Variants in ASXL3 observed in about 807,000 individuals in gnomAD.
ASXL3 encodes the protein putative Polycomb group protein ASXL3.
Under a neutral mutation model 170.6 loss-of-function variants are expected in ASXL3, and 34 were observed. The ratio of observed to expected loss-of-function variants is 0.20; its 90% CI spans 0.15 to 0.27. The LOEUF is 0.27. Among genes scored for constraint, ASXL3 ranks in the 10% least tolerant of loss-of-function variants. The pLI is 1.00. For missense variants in ASXL3, 2,592 were observed against 2,695.3 expected (o/e 0.96, Z 0.85); for synonymous variants, 1,002 against 989.1 (o/e 1.01, Z -0.24).
intron 1 of ASXL3, among the ~76,000 whole-genome samples, chr18:33,583,702 G>A (rs139075699): frequency 8.0e-4 from 121 of 152,126 alleles, no homozygotes; most frequent in Admixed American, 3.9e-3. Flanking sequence ...TGATTTCTTA[G>A]ATGCCAGAAA....
At position 33,578,254 on chromosome 18, in the gene ASXL3, TC is replaced by T. The variant is rs1455006169; in HGVS notation, c.-374del. ...GTTGTGAGCGGGGCCGAGCGGAGCATCCCCGGAGCTGTCACCGCAGCGGCCG... is the reference window on the plus strand; with the variant it reads ...GTTGTGAGCGGGGCCGAGCGGAGCATCCCGGAGCTGTCACCGCAGCGGCCG... On this transcript the variant is annotated 5_prime_UTR_variant, in exon 1 of 12. Coordinates refer to ENST00000269197, the MANE Select transcript of ASXL3 (RefSeq NM_030632.3). The T allele has an allele frequency of 1.3e-5, 2 of 149,764 alleles. No homozygotes were observed. The highest frequency in any genetic ancestry group is 1.5e-5 in the Non-Finnish European group (1 of 67,400). The allele number at this position is 149,764 out of a possible 1,614,324, so 9.3% of individuals were successfully genotyped here.
intron 1 of ASXL3, among the ~76,000 whole-genome samples, chr18:33,601,785 G>GTT (rs376654969): frequency 3.0e-4 from 31 of 103,918 alleles, no homozygotes; most frequent in African/African-American, 7.3e-4. Context: ...ATATCTGATT[G>GTT]TATATATATA....
chr18:33,750,787 T>C lies in ASXL3; in HGVS notation c.*4192T>C, dbSNP rs771850995. On this transcript the variant is annotated 3_prime_UTR_variant, in exon 12 of 12. Coordinates refer to ENST00000269197, the MANE Select transcript of ASXL3 (RefSeq NM_030632.3). ...GAAAAGTAAAATCCTCCTTCAGTCC[T>C]CTACCAAAGAATATATTATTCCCAC... 2 of 152,238 alleles carry C rather than the reference T, an allele frequency of 1.3e-5. No individual in the cohort carries two copies. The highest frequency in any genetic ancestry group is 2.9e-5 in the Non-Finnish European group (2 of 68,050). 9.4% of individuals were successfully genotyped at this position (152,238 alleles called of 1,614,324 possible). A position where few individuals can be genotyped will look rare whatever the true frequency, so the allele number is the denominator to read the frequency against.
chr18:33,744,067 C>G lies in ASXL3; in HGVS notation c.4219C>G (p.Leu1407Val), dbSNP rs1269803774. The change falls in exon 12 of 12, where the codon CTG (leucine) becomes GTG (valine). Residue 1407 changes from leucine (L) to valine (V), a missense_variant. Coordinates refer to ENST00000269197, the MANE Select transcript of ASXL3 (RefSeq NM_030632.3). ...TGATTCTGTAGCGGTCACAGACTCT[C>G]TGGTTGCACACCCGACCGTCGCAAT... is the stretch of plus-strand genomic sequence containing the variant. ...CSDSVAVTDS[L>V]VAHPTVAMFT... 2 of 1,614,048 alleles carry G rather than the reference C, an allele frequency of 1.2e-6. No individual in the cohort carries two copies. Among genetic ancestry groups the G allele is most frequent in the South Asian group, 2.2e-5 (2 of 91,076 alleles).
intron 2 of ASXL3, among the ~76,000 whole-genome samples, chr18:33,642,967 A>G (rs147399898): frequency 2.3e-3 from 347 of 152,046 alleles, no homozygotes; most frequent in Middle Eastern, 0.01. Flanking sequence ...TAAAGAGAAG[A>G]AACAGCATTG....
intron 1 of ASXL3, among the ~76,000 whole-genome samples, chr18:33,602,830 G>A (rs566987501): frequency 7.9e-6 from 1 of 126,212 alleles, no homozygotes; most frequent in African/African-American, 3.1e-5. Context: ...TATGTTGTGT[G>A]AAGCAAATGA....
chr18:33,682,524 A>T (rs1312858840), intron 7 of ASXL3, among the ~76,000 whole-genome samples: 1 of 152,090 alleles, frequency 6.6e-6, no homozygotes, highest in Non-Finnish European at 1.5e-5. Flanking sequence ...GCATATTTGC[A>T]TTTCAGACCT....
chr18:33,633,843 C>CAAAAAAAAAAAAAAAAAAAAAAAAAA (rs59859337), intron 2 of ASXL3, among the ~76,000 whole-genome samples: 1 of 86,948 alleles, frequency 1.2e-5, no homozygotes. Flanking sequence ...GACTCCATCT[C>CAAAAAAAAAAAAAAAAAAAAAAAAAA]AAAAAAAAAA....
At chr18:33,677,303 A>G (rs970784461) in intron 7 of ASXL3, among the ~76,000 whole-genome samples, 3 of 152,212 alleles carry the variant, frequency 2.0e-5, no homozygotes, top group African/African-American at 7.2e-5. Flanking sequence ...ATACAAAATA[A>G]TTATCTCCAG....
In ASXL3 at chr18:33,745,458, C is replaced by T. The variant is rs976243222; in HGVS notation, c.5610C>T (p.His1870=). Residue 1870 remains histidine (H), a synonymous_variant, in exon 12 of 12, where the codon CAC becomes CAT. Coordinates refer to ENST00000269197, the MANE Select transcript of ASXL3 (RefSeq NM_030632.3). ...VISSGISQLG[H]SQPFKQEWLN... ...GTTCCGGCATCAGTCAGCTAGGACA[C>T]AGCCAGCCATTTAAGCAAGAATGGC... The T allele has an allele frequency of 1.2e-6, 2 of 1,614,038 alleles. No individual in the cohort carries two copies. The highest frequency in any genetic ancestry group is 2.2e-5 in the East Asian group (1 of 44,866).
At chr18:33,681,777 A>T (rs940346207) in intron 7 of ASXL3, among the ~76,000 whole-genome samples, 10 of 149,698 alleles carry the variant, frequency 6.7e-5, no homozygotes, top group African/African-American at 2.5e-4. Flanking sequence ...GTTTTTTTTA[A>T]AATTCAGAAA....
At chr18:33,580,781 A>C (rs557625346) in intron 1 of ASXL3, among the ~76,000 whole-genome samples, 1 of 152,242 alleles carries the variant, frequency 6.6e-6, no homozygotes, top group East Asian at 1.9e-4. Context: ...ACGATAGACC[A>C]GATGTCTCTA....
chr18:33,707,797 C>G lies in ASXL3; in HGVS notation c.880-24171C>G, dbSNP rs2066987472. Among the ~76,000 whole-genome samples, 3 of 152,080 alleles carry G rather than the reference C, an allele frequency of 2.0e-5. No homozygotes were observed. The South Asian group carries it at 6.2e-4, about 32-fold the overall frequency. On this transcript the variant is annotated intron_variant, in intron 8 of 11. Coordinates refer to ENST00000269197, the MANE Select transcript of ASXL3 (RefSeq NM_030632.3). ...TCATCTTTATGCAGGATGCTTAAAG[C>G]AGATATATTTTATAGATGCTTTCTG...
In ASXL3 at chr18:33,746,796, CT is replaced by C; in HGVS notation, c.*205del. 3 of 797,294 alleles carry C rather than the reference CT, an allele frequency of 3.8e-6. No homozygotes were observed. Among genetic ancestry groups the C allele is most frequent in the Non-Finnish European group, 3.6e-6 (2 of 549,864 alleles). 49.4% of individuals were successfully genotyped at this position (797,294 alleles called of 1,614,324 possible). The stretch of plus-strand genomic sequence containing the variant: ...CCAACTGAATGGCTCACTGGCATGT[CT>C]TTTATGTGTTCAGTTGCCATTCCTA... On this transcript the variant is annotated 3_prime_UTR_variant, in exon 12 of 12. Transcript: ENST00000269197.
At chr18:33,642,165 AT>A (rs2065855072) in intron 2 of ASXL3, among the ~76,000 whole-genome samples, 1 of 151,980 alleles carries the variant, frequency 6.6e-6, no homozygotes, top group African/African-American at 2.4e-5. Context: ...AAATAATAAA[AT>A]TACATAAGAC....
rs1336419398 is a variant in ASXL3 at position 33,747,957 on chromosome 18, GCT to G, written c.*1365_*1366del. The G allele has an allele frequency of 6.6e-6, 1 of 152,128 alleles. No homozygotes were observed. The highest frequency in any genetic ancestry group is 1.5e-5 in the Non-Finnish European group (1 of 68,034). 9.4% of individuals were successfully genotyped at this position (152,128 alleles called of 1,614,324 possible). Reference sequence around the variant, plus strand: ...CCAGAGGACAGCCGTAGTTCAGGAGGCTCTGTTTTCAAAAGCAAGTTCAAAAG... The same window carrying G: ...CCAGAGGACAGCCGTAGTTCAGGAGGCTGTTTTCAAAAGCAAGTTCAAAAG... On this transcript the variant is annotated 3_prime_UTR_variant, in exon 12 of 12. Coordinates refer to ENST00000269197, the MANE Select transcript of ASXL3 (RefSeq NM_030632.3).
intron 8 of ASXL3, among the ~76,000 whole-genome samples, chr18:33,696,298 A>G (rs905951224): frequency 1.1e-4 from 17 of 152,196 alleles, no homozygotes; most frequent in Admixed American, 1.1e-3. Context: ...AAAGGAATCA[A>G]TTCTAAGCAG....
Position 33,740,100 on chromosome 18 carries a change from C to T in ASXL3, c.2696C>T (p.Ser899Phe), listed in dbSNP as rs771307437. ...GTDNKGNELP[S>F]AKLQDKQYIS... ...GATAATAAGGGAAATGAGCTTCCAT[C>T]TGCTAAATTACAGGACAAGCAATAT... Residue 899 changes from serine (S) to phenylalanine (F), a missense_variant, in exon 11 of 12, where the codon TCT (serine) becomes TTT (phenylalanine). Ser to Phe is a radical substitution (Grantham distance 155, BLOSUM62 -2). Transcript: ENST00000269197. The T allele has an allele frequency of 1.2e-6, 2 of 1,613,910 alleles. No individual in the cohort carries two copies. Among genetic ancestry groups the T allele is most frequent in the South Asian group, 2.2e-5 (2 of 91,070 alleles).
intron 8 of ASXL3, among the ~76,000 whole-genome samples, chr18:33,692,356 C>T (rs186588049): frequency 2.6e-5 from 4 of 152,234 alleles, no homozygotes; most frequent in Admixed American, 2.6e-4. Flanking sequence ...AGACTCTCCA[C>T]CTTGCTGGGA....
Sources: gnomAD v4.1 joint callset for allele counts (sites outside exome capture counted in the v4.1 genomes callset) on GRCh38, gnomAD v4.1.1 for gene constraint, MANE v1.5 for transcripts, NCBI Gene and HGNC (gene_info 2026-07-23, HGNC 2026-07-21) for gene names.